PTPN3: variants seen among roughly 807,000 people sequenced by gnomAD.
PTPN3 encodes the protein protein tyrosine phosphatase non-receptor type 3, also known as tyrosine-protein phosphatase non-receptor type 3.
PTPN3 carries 96 observed loss-of-function variants against 132.7 expected under a neutral mutation model. That is an observed-to-expected ratio of 0.72 (90% CI 0.61 to 0.86). PTPN3 has a LOEUF of 0.86. PTPN3 is among the 40% of genes least tolerant of loss of function. The probability of loss-of-function intolerance (pLI) is 0.00; values close to 1 mark genes in which losing one functional copy is unlikely to be tolerated. For missense variants in PTPN3, 1,125 were observed against 1,159.6 expected (o/e 0.97, Z 0.43); for synonymous variants, 398 against 429.0 (o/e 0.93, Z 0.89).
At chr9:109,389,848 T>C (rs1378570766) in intron 21 of PTPN3, among the ~76,000 whole-genome samples, 2 of 152,250 alleles carry the variant, frequency 1.3e-5, no homozygotes, top group Admixed American at 1.3e-4. Context: ...TGGCTTCCAA[T>C]GCTTGTATCA....
In PTPN3 at chr9:109,404,462, G is replaced by T. The variant is rs1841391675; in HGVS notation, c.1939C>A (p.Leu647Met). 1 of 1,483,100 alleles carries T rather than the reference G, an allele frequency of 6.7e-7. No individual in the cohort carries two copies. The highest frequency in any genetic ancestry group is 9.1e-7 in the Non-Finnish European group (1 of 1,098,338). The allele number at this position is 1,483,100 out of a possible 1,614,324, so 91.9% of individuals were successfully genotyped here. ...GAGGGTCTTACCTCAAACTGGATCA[G>T]CACCGTCCCGCTTTCGAGGCCCTTC... ...LKKGLESGTV[L>M]IQFEQLYRKK... is the part of the protein sequence containing the mutation. The change falls in exon 19 of 26, where the codon CTG becomes ATG. Residue 647 changes from leucine to methionine, a missense_variant. Leu to Met is a conservative substitution (Grantham distance 15, BLOSUM62 2). Transcript: ENST00000374541.
the PTPN3 span, among the ~76,000 whole-genome samples, chr9:109,537,779 A>G: frequency 1.3e-5 from 2 of 152,234 alleles, no homozygotes; most frequent in African/African-American, 4.8e-5. Context: ...TGTAGGCAGC[A>G]CTTCTGAAAA....
At chr9:109,406,650 T>C in intron 17 of PTPN3, 32 bp from the exon 18 acceptor site, 1 of 1,612,452 alleles carries the variant, frequency 6.2e-7, no homozygotes, top group Non-Finnish European at 8.5e-7. Flanking sequence ...GTTTCTCCTG[T>C]TACCATAACA....
At chr9:109,494,846 A>T (rs1847610826) in intron 1 of PTPN3, among the ~76,000 whole-genome samples, 1 of 152,112 alleles carries the variant, frequency 6.6e-6, no homozygotes, top group South Asian at 2.1e-4. Context: ...TAGAGACTCA[A>T]TAAATGTCTC....
intron 19 of PTPN3, among the ~76,000 whole-genome samples, chr9:109,397,101 GAA>G (rs1463301095): frequency 3.9e-5 from 6 of 152,218 alleles, no homozygotes; most frequent in Non-Finnish European, 8.8e-5. Context: ...GGGAATCAAG[GAA>G]ACCATGGGTA....
intron 19 of PTPN3, among the ~76,000 whole-genome samples, chr9:109,403,210 T>C (rs1841295218): frequency 6.6e-6 from 1 of 152,260 alleles, no homozygotes; most frequent in Non-Finnish European, 1.5e-5. Context: ...TGTTTTCACA[T>C]GCATCATAAA....
the PTPN3 span, among the ~76,000 whole-genome samples, chr9:109,506,002 C>T: frequency 6.6e-6 from 1 of 151,834 alleles, no homozygotes; most frequent in Non-Finnish European, 1.5e-5. Flanking sequence ...CCGCCTGCCT[C>T]AGCCTCCCAA....
chr9:109,425,438 C>T (rs761113035), intron 12 of PTPN3, among the ~76,000 whole-genome samples: 24 of 152,196 alleles, frequency 1.6e-4, no homozygotes, highest in Non-Finnish European at 2.6e-4. Flanking sequence ...TGGCCTGGCA[C>T]GGTGGCTCAT....
the PTPN3 span, among the ~76,000 whole-genome samples, chr9:109,508,254 G>A: frequency 2.6e-5 from 4 of 151,630 alleles, no homozygotes; most frequent in African/African-American, 7.3e-5. Flanking sequence ...TCTGCCTCCC[G>A]GGTTCATGCC....
chr9:109,423,344 C>A (rs1021582849), intron 12 of PTPN3, among the ~76,000 whole-genome samples: 8 of 152,200 alleles, frequency 5.3e-5, no homozygotes, highest in South Asian at 4.1e-4. Flanking sequence ...GTGGCTCATG[C>A]CTGCAATCCC....
intron 1 of PTPN3, among the ~76,000 whole-genome samples, chr9:109,473,464 A>G (rs1368420940): frequency 6.6e-6 from 1 of 152,240 alleles, no homozygotes; most frequent in African/African-American, 2.4e-5. Context: ...AAAACTAACA[A>G]AATAAAAGTT....
At chr9:109,423,595 G>T (rs1843033449) in intron 12 of PTPN3, among the ~76,000 whole-genome samples, 1 of 152,172 alleles carries the variant, frequency 6.6e-6, no homozygotes, top group Admixed American at 6.5e-5. Flanking sequence ...AACACAGTAA[G>T]ACTCTGTCTC....
At chr9:109,463,109 C>T (rs1330715162) in intron 2 of PTPN3, among the ~76,000 whole-genome samples, 188 bp downstream of exon 2, 1 of 151,366 alleles carries the variant, frequency 6.6e-6, no homozygotes, top group Non-Finnish European at 1.5e-5. Flanking sequence ...GGGGGAAGAC[C>T]CTCAGGGCAG....
chr9:109,445,151 A>G, intron 7 of PTPN3, 89 bp downstream of exon 7: 1 of 1,349,920 alleles, frequency 7.4e-7, no homozygotes, highest in East Asian at 2.3e-5. Context: ...GGGAAGAGGG[A>G]CTTGGTCAAG....
chr9:109,519,358 T>A, the PTPN3 span, among the ~76,000 whole-genome samples: 2 of 152,200 alleles, frequency 1.3e-5, no homozygotes, highest in African/African-American at 4.8e-5. Context: ...GTTTCAAGCA[T>A]GTTTAAGGGA....
intron 9 of PTPN3, among the ~76,000 whole-genome samples, chr9:109,433,916 TAAAAAAAAAA>T (rs1170933792): frequency 2.0e-5 from 2 of 98,284 alleles, no homozygotes; most frequent in East Asian, 3.4e-4. Context: ...AGACTCTGTT[TAAAAAAAAAA>T]AAAAAAAAAA....
At chr9:109,413,123 T>G (rs1300723833) in intron 14 of PTPN3, among the ~76,000 whole-genome samples, 1 of 151,768 alleles carries the variant, frequency 6.6e-6, no homozygotes, top group Non-Finnish European at 1.5e-5. Flanking sequence ...ATTTTTTTTT[T>G]TTTTGTATTT....
chr9:109,532,463 G>GA, the PTPN3 span, among the ~76,000 whole-genome samples: 7 of 151,154 alleles, frequency 4.6e-5, no homozygotes, highest in Non-Finnish European at 1.0e-4. Context: ...TTGACTTTTT[G>GA]AAAAAATCAA....
intron 2 of PTPN3, among the ~76,000 whole-genome samples, chr9:109,462,356 G>A (rs1400829245): frequency 6.6e-6 from 1 of 152,230 alleles, no homozygotes; most frequent in Non-Finnish European, 1.5e-5. Context: ...CCTGGGATTG[G>A]CAGTGGGCAA....
Sources: gnomAD v4.1 joint callset for allele counts (sites outside exome capture counted in the v4.1 genomes callset) on GRCh38, gnomAD v4.1.1 for gene constraint, MANE v1.5 for transcripts, NCBI Gene and HGNC (gene_info 2026-07-23, HGNC 2026-07-21) for gene names.